Variants in RNF152 observed in about 807,000 individuals in gnomAD.
The protein encoded by RNF152 is ring finger protein 152, also known as E3 ubiquitin-protein ligase RNF152.
A neutral mutation model predicts 12.7 loss-of-function variants in RNF152; 11 were observed. That is an observed-to-expected ratio of 0.86 (90% CI 0.54 to 1.43). The LOEUF (loss-of-function observed/expected upper bound fraction) is 1.43, where lower values mean the gene tolerates loss of function less well. RNF152 is among the 40% of genes most tolerant of loss of function. The pLI is 0.00. For missense variants in RNF152, 255 were observed against 274.8 expected (o/e 0.93, Z 0.51); for synonymous variants, 113 against 120.3 (o/e 0.94, Z 0.40).
chr18:61,823,923 G>T (rs554055697), intron 1 of RNF152, among the ~76,000 whole-genome samples: 2 of 152,208 alleles, frequency 1.3e-5, no homozygotes, highest in Non-Finnish European at 2.9e-5. Context: ...CTCTGCTAGG[G>T]CATGTGCCAA....
chr18:61,853,559 C>T lies in RNF152; in HGVS notation c.-135-36961G>A, dbSNP rs113673174. ...TGCCAGCCTTGGCCTCCCAAAGTGCCGGGATTACAGGCTGAGCCATCGCAC... is the reference window on the plus strand; with the variant it reads ...TGCCAGCCTTGGCCTCCCAAAGTGCTGGGATTACAGGCTGAGCCATCGCAC... On this transcript the variant is annotated intron_variant, in intron 1 of 1. Coordinates refer to ENST00000312828, the MANE Select transcript of RNF152 (RefSeq NM_173557.3). Among the ~76,000 whole-genome samples, 73 of 152,136 alleles carry T rather than the reference C, an allele frequency of 4.8e-4. 1 individual carries two copies. Among genetic ancestry groups the T allele is most frequent in the African/African-American group, 1.5e-3 (63 of 41,514 alleles).
At chr18:61,863,402 T>C (rs1371688696) in intron 1 of RNF152, among the ~76,000 whole-genome samples, 1 of 135,344 alleles carries the variant, frequency 7.4e-6, no homozygotes, top group Non-Finnish European at 1.5e-5. Flanking sequence ...GCCACCGCAC[T>C]CCAGCCTGGC....
intron 1 of RNF152, among the ~76,000 whole-genome samples, chr18:61,819,678 AC>A (rs548603969): frequency 1.1e-3 from 168 of 152,298 alleles, no homozygotes; most frequent in Middle Eastern, 3.4e-3. Context: ...GCCATATTCC[AC>A]TGGAGGTGCT....
At chr18:61,861,557 A>G (rs752325112) in intron 1 of RNF152, among the ~76,000 whole-genome samples, 1 of 152,220 alleles carries the variant, frequency 6.6e-6, no homozygotes, top group Non-Finnish European at 1.5e-5. Context: ...GTGAGGCATG[A>G]CTGTACATGT....
At chr18:61,844,573 C>T (rs1314804492) in intron 1 of RNF152, among the ~76,000 whole-genome samples, 2 of 152,136 alleles carry the variant, frequency 1.3e-5, no homozygotes, top group South Asian at 2.1e-4. Flanking sequence ...TTCAGGACTG[C>T]AGAATATTTA....
intron 1 of RNF152, among the ~76,000 whole-genome samples, chr18:61,832,768 C>G (rs1910007732): frequency 6.6e-6 from 1 of 152,172 alleles, no homozygotes; most frequent in Non-Finnish European, 1.5e-5. Context: ...TAAAAGCCAC[C>G]CTGTGTTTAG....
Position 61,810,113 on chromosome 18 carries a change from T to C in RNF152, c.*5739A>G, listed in dbSNP as rs2067708793. 6.6e-6 allele frequency: 1 copy of C among 152,242 alleles called. No homozygotes were observed. The highest frequency in any genetic ancestry group is 6.5e-5 in the Admixed American group (1 of 15,288). 9.4% of individuals were successfully genotyped at this position (152,242 alleles called of 1,614,324 possible). The stretch of plus-strand genomic sequence containing the variant: ...ATTTGAAAAGTTTCAAGTGTTTATA[T>C]AGACACTCCCAAAGGTAGTTAGTTT... On this transcript the variant is annotated 3_prime_UTR_variant, in exon 2 of 2. Transcript: ENST00000312828.
chr18:61,820,092 G>A (rs1223083970), intron 1 of RNF152, among the ~76,000 whole-genome samples: 1 of 150,592 alleles, frequency 6.6e-6, no homozygotes, highest in Non-Finnish European at 1.5e-5. Context: ...CACTTTGGGA[G>A]GCTGAGGCAG....
chr18:61,855,396 T>C (rs1251238046), intron 1 of RNF152, among the ~76,000 whole-genome samples: 1 of 152,198 alleles, frequency 6.6e-6, no homozygotes, highest in Admixed American at 6.5e-5. Flanking sequence ...CCAGCTGTAG[T>C]GGGGGAGGCG....
intron 1 of RNF152, among the ~76,000 whole-genome samples, chr18:61,867,300 A>C (rs1423028731): frequency 6.6e-6 from 1 of 152,030 alleles, no homozygotes; most frequent in Non-Finnish European, 1.5e-5. Context: ...AAAATACAGA[A>C]AATTAGTTGG....
At chr18:61,855,776 G>A (rs1249776138) in intron 1 of RNF152, among the ~76,000 whole-genome samples, 2 of 152,220 alleles carry the variant, frequency 1.3e-5, no homozygotes, top group African/African-American at 4.8e-5. Context: ...CAGCTAGCCA[G>A]GCCAAGTGGA....
intron 1 of RNF152, among the ~76,000 whole-genome samples, chr18:61,841,063 G>A (rs1910433124): frequency 6.6e-6 from 1 of 152,326 alleles, no homozygotes; most frequent in South Asian, 2.1e-4. Context: ...AGACCCATGG[G>A]GCACATGGAG....
At chr18:61,831,182 G>T (rs76495131) in intron 1 of RNF152, among the ~76,000 whole-genome samples, 1 of 152,104 alleles carries the variant, frequency 6.6e-6, no homozygotes, top group Non-Finnish European at 1.5e-5. Context: ...ACTTAGAAGC[G>T]GTTCTGTGCA....
intron 1 of RNF152, among the ~76,000 whole-genome samples, chr18:61,867,245 G>A (rs1259600086): frequency 6.6e-6 from 1 of 152,172 alleles, no homozygotes; most frequent in Non-Finnish European, 1.5e-5. Context: ...GAGGTCAGGA[G>A]TTCAAGACCA....
chr18:61,812,771 T>C lies in RNF152; in HGVS notation c.*3081A>G, dbSNP rs1238494873. The C allele has an allele frequency of 6.6e-6, 1 of 152,212 alleles. No homozygotes were observed. The highest frequency in any genetic ancestry group is 2.4e-5 in the African/African-American group (1 of 41,436). The allele number at this position is 152,212 out of a possible 1,614,324, so 9.4% of individuals were successfully genotyped here. ...AACCACATGGTTTGATAGTTGTCTT[T>C]CAACATCTATACTCATCCCTAAGTC... On this transcript the variant is annotated 3_prime_UTR_variant, in exon 2 of 2. Transcript: ENST00000312828.
chr18:61,816,965 A>G (rs953983149), intron 1 of RNF152, among the ~76,000 whole-genome samples: 2 of 152,202 alleles, frequency 1.3e-5, no homozygotes, highest in Non-Finnish European at 2.9e-5. Flanking sequence ...CAATAAGTTC[A>G]TAGTATTTCC....
At chr18:61,848,392 CT>C (rs2144688703) in intron 1 of RNF152, among the ~76,000 whole-genome samples, 1 of 152,236 alleles carries the variant, frequency 6.6e-6, no homozygotes, top group Admixed American at 6.5e-5. Context: ...AAGAGAAGCT[CT>C]AGGTTTATAT....
chr18:61,852,379 A>G (rs1911021887), intron 1 of RNF152, among the ~76,000 whole-genome samples: 1 of 152,228 alleles, frequency 6.6e-6, no homozygotes, highest in South Asian at 2.1e-4. Flanking sequence ...CCACCAGGAC[A>G]TACCAATCTG....
chr18:61,846,001 A>G (rs920370915), intron 1 of RNF152, among the ~76,000 whole-genome samples: 6 of 152,128 alleles, frequency 3.9e-5, no homozygotes, highest in African/African-American at 1.4e-4. Context: ...GAGCTCACTT[A>G]TCTCGTTCCA....
Sources: gnomAD v4.1 joint callset for allele counts (sites outside exome capture counted in the v4.1 genomes callset) on GRCh38, gnomAD v4.1.1 for gene constraint, MANE v1.5 for transcripts, NCBI Gene and HGNC (gene_info 2026-07-23, HGNC 2026-07-21) for gene names.